Variants in SUSD6 observed in about 807,000 individuals in gnomAD.
SUSD6 encodes sushi domain containing 6.
In SUSD6, 16 loss-of-function variants were observed where a neutral mutation model predicts 28.4. The observed-to-expected ratio is 0.56, with a 90% CI of 0.38 to 0.86. SUSD6 has a LOEUF of 0.86. Among genes scored for constraint, SUSD6 ranks in the 40% least tolerant of loss-of-function variants. The probability of loss-of-function intolerance (pLI) is 0.00; values close to 1 mark genes in which losing one functional copy is unlikely to be tolerated. For missense variants in SUSD6, 341 were observed against 384.2 expected (o/e 0.89, Z 0.94); for synonymous variants, 147 against 159.6 (o/e 0.92, Z 0.59).
At chr14:69,615,462 C>G (rs1006445146) in intron 1 of SUSD6, 1 of 152,214 alleles carries the variant, frequency 6.6e-6, no homozygotes, top group African/African-American at 2.4e-5. Context: ...TGTTAGGCAC[C>G]TGTGTTCTTC....
chr14:69,635,754 A>G (rs1300875448), intron 1 of SUSD6, among the ~76,000 whole-genome samples: 1 of 152,238 alleles, frequency 6.6e-6, no homozygotes, highest in Admixed American at 6.5e-5. Flanking sequence ...TTTCAGCCCT[A>G]GAGTAAATCT....
rs148944742 is a variant in SUSD6, at chr14:69,638,251, A to C, written c.-80-20262A>C. The stretch of plus-strand genomic sequence containing the variant: ...TGTCCCTCCTCCTGGAGAGCCTTTG[A>C]ATGGCAGGGATGGGCTGAATCACTC... On this transcript the variant is annotated intron_variant, in intron 1 of 5. Coordinates refer to ENST00000342745, the MANE Select transcript of SUSD6 (RefSeq NM_014734.4). 4.5e-4 allele frequency among the ~76,000 whole-genome samples: 68 copies of C among 152,172 alleles called. 2 individuals are homozygous for C. The East Asian group carries it at 0.012, about 27-fold the overall frequency.
intron 5 of SUSD6, 100 bp from the exon 6 acceptor site, chr14:69,710,854 A>C: frequency 9.2e-7 from 1 of 1,082,756 alleles, no homozygotes; most frequent in African/African-American, 1.6e-5. Flanking sequence ...TCTTTAAATT[A>C]GGGGCTATGT....
chr14:69,630,315 G>T (rs1205024783), intron 1 of SUSD6, among the ~76,000 whole-genome samples: 1 of 152,182 alleles, frequency 6.6e-6, no homozygotes, highest in Non-Finnish European at 1.5e-5. Flanking sequence ...AGTAGAGGTG[G>T]TCTCTCTCCC....
chr14:69,657,230 G>A (rs759590065), intron 1 of SUSD6, among the ~76,000 whole-genome samples: 5 of 152,110 alleles, frequency 3.3e-5, no homozygotes, highest in Non-Finnish European at 5.9e-5. Flanking sequence ...CTGAGATGGC[G>A]GATCACTTGA....
At chr14:69,614,650 C>A (rs975861587) in intron 1 of SUSD6, among the ~76,000 whole-genome samples, 1 of 152,154 alleles carries the variant, frequency 6.6e-6, no homozygotes, top group Non-Finnish European at 1.5e-5. Flanking sequence ...CTTAGCTCTT[C>A]TGACAACCAA....
At chr14:69,703,645 C>A in intron 3 of SUSD6, 53 bp downstream of exon 3, 1 of 1,530,442 alleles carries the variant, frequency 6.5e-7, no homozygotes, top group Non-Finnish European at 9.0e-7. Flanking sequence ...TTTCTGTTAA[C>A]TCACAGGATG....
intron 2 of SUSD6, among the ~76,000 whole-genome samples, chr14:69,687,771 C>T (rs1049241658): frequency 2.8e-4 from 42 of 152,218 alleles, no homozygotes; most frequent in African/African-American, 9.9e-4. Flanking sequence ...CAGTGTCTTT[C>T]GTACTTGCCG....
chr14:69,670,573 G>A (rs1007100050), intron 2 of SUSD6: 7 of 451,588 alleles, frequency 1.6e-5, no homozygotes, highest in Non-Finnish European at 3.1e-5. Context: ...AGTGCCTTGG[G>A]CCAGACACGC....
intron 2 of SUSD6, among the ~76,000 whole-genome samples, chr14:69,665,952 A>G (rs545509368): frequency 6.6e-6 from 1 of 152,368 alleles, no homozygotes; most frequent in African/African-American, 2.4e-5. Flanking sequence ...TATGTAAGGC[A>G]TTTGGAACAT....
chr14:69,644,663 T>A (rs1038645296), intron 1 of SUSD6, among the ~76,000 whole-genome samples: 2 of 152,134 alleles, frequency 1.3e-5, no homozygotes, highest in African/African-American at 4.8e-5. Context: ...AAATTAATTA[T>A]TTCTCAGGAC....
At position 69,711,446 on chromosome 14, in the gene SUSD6, G is replaced by A. The variant is rs1035841387; in HGVS notation, c.*467G>A. 5.9e-6 allele frequency: 1 copy of A among 168,778 alleles called. No homozygotes were observed. The highest frequency in any genetic ancestry group is 1.3e-5 in the Non-Finnish European group (1 of 77,784). The allele number at this position is 168,778 out of a possible 1,614,324, so 10.5% of individuals were successfully genotyped here. On this transcript the variant is annotated 3_prime_UTR_variant, in exon 6 of 6. Coordinates refer to ENST00000342745, the MANE Select transcript of SUSD6 (RefSeq NM_014734.4). ...CACTGCTGCCCCCTGCCACACAGGGGGCCGGGCCTGGGTCTGTCCTGTTTC... is the reference window on the plus strand; with the variant it reads ...CACTGCTGCCCCCTGCCACACAGGGAGCCGGGCCTGGGTCTGTCCTGTTTC...
intron 4 of SUSD6, 103 bp from the exon 5 acceptor site, chr14:69,708,574 A>G: frequency 1.1e-6 from 1 of 950,046 alleles, no homozygotes; most frequent in Non-Finnish European, 1.6e-6. Flanking sequence ...CCTGGCACAT[A>G]GTAAGTGCTC....
intron 1 of SUSD6, among the ~76,000 whole-genome samples, chr14:69,637,498 C>T (rs1050068393): frequency 1.2e-4 from 18 of 152,314 alleles, no homozygotes; most frequent in African/African-American, 4.3e-4. Context: ...GGGAACTGTT[C>T]TCTGACCCTC....
At chr14:69,640,863 A>G (rs1006092708) in intron 1 of SUSD6, among the ~76,000 whole-genome samples, 1 of 152,228 alleles carries the variant, frequency 6.6e-6, no homozygotes, top group Non-Finnish European at 1.5e-5. Context: ...CTGGAATTAC[A>G]GTCTGTAACG....
At chr14:69,631,300 T>C (rs1299138469) in intron 1 of SUSD6, among the ~76,000 whole-genome samples, 2 of 152,252 alleles carry the variant, frequency 1.3e-5, no homozygotes, top group African/African-American at 4.8e-5. Flanking sequence ...CTTTTTATAA[T>C]GATGCCTCCT....
Position 69,708,658 on chromosome 14 carries a change from T to C in SUSD6, c.459-19T>C. 6.6e-7 allele frequency: 1 copy of C among 1,521,014 alleles called. No homozygotes were observed. The highest frequency in any genetic ancestry group is 8.8e-7 in the Non-Finnish European group (1 of 1,132,916). 94.2% of individuals were successfully genotyped at this position (1,521,014 alleles called of 1,614,324 possible). The stretch of plus-strand genomic sequence containing the variant: ...TGTTTATTCTAATTCATCCTTTGTC[T>C]TTTCCTCCTCCACTCCAGGCGTGAC... On this transcript the variant is annotated intron_variant, in intron 4 of 5. Transcript: ENST00000342745.
chr14:69,705,912 G>A (rs1886380748), intron 4 of SUSD6, among the ~76,000 whole-genome samples: 1 of 152,148 alleles, frequency 6.6e-6, no homozygotes, highest in Non-Finnish European at 1.5e-5. Context: ...CAGTTACTTG[G>A]CCCTTCCTGG....
chr14:69,621,766 G>T (rs984609861), intron 1 of SUSD6, among the ~76,000 whole-genome samples: 1 of 152,172 alleles, frequency 6.6e-6, no homozygotes, highest in African/African-American at 2.4e-5. Context: ...TTTTGGGGGG[G>T]CAGTTCTACT....
Sources: allele counts gnomAD v4.1 joint callset (sites outside exome capture counted in the v4.1 genomes callset), GRCh38; gene constraint gnomAD v4.1.1; transcripts MANE v1.5; gene names NCBI Gene and HGNC (gene_info 2026-07-23, HGNC 2026-07-21).